SCMH1: variants seen among roughly 807,000 people sequenced by gnomAD.
SCMH1 encodes Scm polycomb group protein homolog 1, also known as polycomb protein SCMH1.
A neutral mutation model predicts 70.8 loss-of-function variants in SCMH1; 37 were observed. The ratio of observed to expected loss-of-function variants is 0.52; its 90% CI spans 0.40 to 0.69. The LOEUF (loss-of-function observed/expected upper bound fraction) is 0.69, where lower values mean the gene tolerates loss of function less well. Among genes scored for constraint, SCMH1 ranks in the 30% least tolerant of loss-of-function variants. SCMH1 has a pLI of 0.00. For synonymous variants in SCMH1, 292 were observed against 307.4 expected, an observed-to-expected ratio of 0.95 and a Z score of 0.52; for missense variants, 607 against 827.3, an observed-to-expected ratio of 0.73 and a Z score of 3.27.
chr1:41,048,570 T>C (rs996686959), intron 11 of SCMH1, 120 bp downstream of exon 11: 27 of 880,096 alleles, frequency 3.1e-5, no homozygotes, highest in Non-Finnish European at 4.2e-5. Flanking sequence ...ATGGAATACC[T>C]TCACATTTTT....
chr1:41,114,256 G>C (rs1221457561), intron 7 of SCMH1, among the ~76,000 whole-genome samples: 1 of 152,146 alleles, frequency 6.6e-6, no homozygotes, highest in Non-Finnish European at 1.5e-5. Context: ...CTCCAAAGTG[G>C]TTGTAACATT....
chr1:41,167,664 C>G (rs1398365633), intron 2 of SCMH1, among the ~76,000 whole-genome samples: 1 of 152,124 alleles, frequency 6.6e-6, no homozygotes, highest in Non-Finnish European at 1.5e-5. Flanking sequence ...TATAACTGTT[C>G]ATAGTAGTCT....
chr1:41,217,760 AT>A (rs1437164329), intron 1 of SCMH1, among the ~76,000 whole-genome samples: 5 of 152,330 alleles, frequency 3.3e-5, no homozygotes, highest in African/African-American at 1.2e-4. Context: ...GTCTGGGCCA[AT>A]GAGACATTCT....
intron 6 of SCMH1, among the ~76,000 whole-genome samples, chr1:41,128,660 G>A (rs1304775110): frequency 1.3e-5 from 2 of 151,880 alleles, no homozygotes; most frequent in Admixed American, 1.3e-4. Context: ...TCCTGCTTGG[G>A]GTTCATTGAG....
chr1:41,116,566 C>T (rs994696397), intron 7 of SCMH1, among the ~76,000 whole-genome samples: 14 of 152,090 alleles, frequency 9.2e-5, no homozygotes, highest in Non-Finnish European at 1.8e-4. Flanking sequence ...AAAAAGTCTC[C>T]TTCTTTTCTC....
At chr1:41,078,885 G>C (rs1019396325) in intron 8 of SCMH1, among the ~76,000 whole-genome samples, 7 of 152,142 alleles carry the variant, frequency 4.6e-5, no homozygotes, top group African/African-American at 1.7e-4. Context: ...GATACAAAAG[G>C]ATACTGATTA....
intron 2 of SCMH1, among the ~76,000 whole-genome samples, chr1:41,168,783 T>G (rs1358620252): frequency 6.6e-6 from 1 of 152,124 alleles, no homozygotes; most frequent in African/African-American, 2.4e-5. Context: ...GCCAAAAATT[T>G]TAAGGTGCTC....
At chr1:41,197,564 C>G (rs34454389) in intron 1 of SCMH1, among the ~76,000 whole-genome samples, 54,132 of 151,800 alleles carry the variant, frequency 0.36, 11,019 homozygotes, top group Admixed American at 0.51. Flanking sequence ...ATATTTAATG[C>G]GTACAGAATT....
At chr1:41,227,057 A>G (rs1660407611) in intron 1 of SCMH1, among the ~76,000 whole-genome samples, 1 of 152,256 alleles carries the variant, frequency 6.6e-6, no homozygotes, top group Admixed American at 6.5e-5. Flanking sequence ...ACCACGGATC[A>G]TGTTAGCTCT....
chr1:41,109,488 C>T (rs1160555965), intron 8 of SCMH1, among the ~76,000 whole-genome samples: 2 of 152,162 alleles, frequency 1.3e-5, no homozygotes, highest in African/African-American at 2.4e-5. Flanking sequence ...GCATCACTTG[C>T]TCCTTAGCCA....
At chr1:41,239,099 A>G (rs1662975067) in intron 1 of SCMH1, among the ~76,000 whole-genome samples, 1 of 150,038 alleles carries the variant, frequency 6.7e-6, no homozygotes, top group Non-Finnish European at 1.5e-5. Context: ...GACACCTTCC[A>G]GTGATTAAAT....
chr1:41,079,091 G>A lies in SCMH1; in HGVS notation c.746-3640C>T, dbSNP rs559560255. On this transcript the variant is annotated intron_variant, in intron 8 of 14. Coordinates refer to ENST00000337495, the Ensembl canonical transcript of SCMH1. ...AAGTCCAATATGCATATTTGCATAC[G>A]GCAATTAATTAAAGAATTATCAGGG... 4.6e-5 allele frequency among the ~76,000 whole-genome samples: 7 copies of A among 152,068 alleles called. No homozygotes were observed. In the South Asian group the frequency reaches 1.0e-3, roughly 23 times the overall value.
intron 1 of SCMH1, among the ~76,000 whole-genome samples, chr1:41,227,276 C>T (rs549753077): frequency 6.6e-6 from 1 of 152,318 alleles, no homozygotes; most frequent in Non-Finnish European, 1.5e-5. Flanking sequence ...GCTGTTTGCT[C>T]TGCCTGGGAG....
chr1:41,187,954 T>C (rs1650700881), intron 1 of SCMH1, among the ~76,000 whole-genome samples: 1 of 152,064 alleles, frequency 6.6e-6, no homozygotes, highest in African/African-American at 2.4e-5. Context: ...ACCACTGCAC[T>C]CCAGCCTGGG....
intron 10 of SCMH1, among the ~76,000 whole-genome samples, chr1:41,059,806 G>A (rs972212231): frequency 5.0e-4 from 76 of 152,086 alleles, no homozygotes; most frequent in African/African-American, 1.6e-3. Context: ...GCCCATCTAC[G>A]TGTTCCCCCT....
At chr1:41,192,992 A>G (rs1403797561) in intron 1 of SCMH1, among the ~76,000 whole-genome samples, 1 of 152,238 alleles carries the variant, frequency 6.6e-6, no homozygotes, top group Non-Finnish European at 1.5e-5. Context: ...GCATTAAGGC[A>G]GACATATAAT....
At chr1:41,161,148 G>C (rs1645990287) in intron 3 of SCMH1, among the ~76,000 whole-genome samples, 1 of 152,184 alleles carries the variant, frequency 6.6e-6, no homozygotes, top group Non-Finnish European at 1.5e-5. Flanking sequence ...AAACTATGAA[G>C]CTAATTTGGG....
chr1:41,095,987 C>G (rs1314368535), intron 8 of SCMH1, among the ~76,000 whole-genome samples: 1 of 151,966 alleles, frequency 6.6e-6, no homozygotes, highest in Non-Finnish European at 1.5e-5. Flanking sequence ...AATAGGATAG[C>G]ATACAGTAAA....
chr1:41,182,857 C>A (rs1649194428), intron 2 of SCMH1, among the ~76,000 whole-genome samples: 1 of 152,168 alleles, frequency 6.6e-6, no homozygotes, highest in African/African-American at 2.4e-5. Flanking sequence ...TTTTTAAGTA[C>A]TGCCATAAAC....
Sources: allele counts gnomAD v4.1 joint callset (sites outside exome capture counted in the v4.1 genomes callset), GRCh38; gene constraint gnomAD v4.1.1; transcripts MANE v1.5; gene names NCBI Gene and HGNC (gene_info 2026-07-23, HGNC 2026-07-21).